Variants in PDGFD observed in about 807,000 individuals in gnomAD.
The protein encoded by PDGFD is platelet derived growth factor D.
In PDGFD, 30 loss-of-function variants were observed where a neutral mutation model predicts 44.7. That is an observed-to-expected ratio of 0.67 (90% CI 0.50 to 0.91). PDGFD has a LOEUF of 0.91. Ranked by LOEUF, PDGFD falls within the 40% of genes least tolerant of loss-of-function variation. PDGFD has a pLI of 0.00. For synonymous variants in PDGFD, 173 were observed against 168.4 expected (o/e 1.03, Z -0.21); for missense variants, 445 against 457.8 (o/e 0.97, Z 0.25).
chr11:103,912,882 A>G (rs1209790883), intron 6 of PDGFD, among the ~76,000 whole-genome samples: 1 of 152,214 alleles, frequency 6.6e-6, no homozygotes, highest in Admixed American at 6.5e-5. Context: ...AAAAGAGACA[A>G]AGAAGGCCAT....
intron 1 of PDGFD, among the ~76,000 whole-genome samples, chr11:104,110,189 G>C (rs1034704502): frequency 6.6e-6 from 1 of 152,132 alleles, no homozygotes; most frequent in Admixed American, 6.6e-5. Context: ...GAGCAAGAAA[G>C]TAGGATTAGA....
intron 1 of PDGFD, among the ~76,000 whole-genome samples, chr11:104,135,460 C>T (rs942581482): frequency 2.0e-5 from 3 of 152,130 alleles, no homozygotes; most frequent in Non-Finnish European, 4.4e-5. Context: ...AGAGAACATG[C>T]TATTTTCCAT....
chr11:103,987,637 T>G lies in PDGFD; in HGVS notation c.510+8428A>C, dbSNP rs1051024812. On this transcript the variant is annotated intron_variant, in intron 3 of 6. Transcript: ENST00000393158. ...GAAAGACTTAAGCTTTAGTATTTCT[T>G]GGACTCACATTAATGAAACTGCTAC... Among the ~76,000 whole-genome samples the G allele has an allele frequency of 7.2e-5, 11 of 152,332 alleles. No homozygotes were observed. The South Asian group carries it at 1.0e-3, about 14-fold the overall frequency.
chr11:104,061,500 T>C (rs2134414123), intron 1 of PDGFD, among the ~76,000 whole-genome samples: 1 of 152,360 alleles, frequency 6.6e-6, no homozygotes, highest in Non-Finnish European at 1.5e-5. Context: ...ATCAAAAATC[T>C]GTTCCATTAA....
At chr11:104,035,504 A>G (rs973426630) in intron 1 of PDGFD, among the ~76,000 whole-genome samples, 1 of 151,884 alleles carries the variant, frequency 6.6e-6, no homozygotes, top group Non-Finnish European at 1.5e-5. Flanking sequence ...TAAAAAAAAA[A>G]ATCACAAACA....
At chr11:104,045,514 T>C (rs1356860698) in intron 1 of PDGFD, among the ~76,000 whole-genome samples, 1 of 151,852 alleles carries the variant, frequency 6.6e-6, no homozygotes, top group Non-Finnish European at 1.5e-5. Context: ...CATCAGAAAA[T>C]GAGAGCATGG....
rs78664703 is a variant in PDGFD, at chr11:104,106,519, C to T, written c.124+57285G>A. On this transcript the variant is annotated intron_variant, in intron 1 of 6. Transcript: ENST00000393158. ...ATCTTGGGTGAGATGCTGGAACTGACGCACAAAGACAAAAAGTCCACATTC... is the reference window on the plus strand; with the variant it reads ...ATCTTGGGTGAGATGCTGGAACTGATGCACAAAGACAAAAAGTCCACATTC... Among the ~76,000 whole-genome samples the T allele has an allele frequency of 5.1e-3, 779 of 152,188 alleles. 11 individuals are homozygous for T. The highest frequency in any genetic ancestry group is 0.017 in the African/African-American group (713 of 41,516).
At chr11:103,920,513 G>A (rs1858198133) in intron 6 of PDGFD, among the ~76,000 whole-genome samples, 1 of 152,198 alleles carries the variant, frequency 6.6e-6, no homozygotes, top group Non-Finnish European at 1.5e-5. Context: ...TGCCCCATGT[G>A]GCAAGTTTGC....
At chr11:104,156,580 G>C (rs1200397524) in intron 1 of PDGFD, among the ~76,000 whole-genome samples, 1 of 151,954 alleles carries the variant, frequency 6.6e-6, no homozygotes, top group Non-Finnish European at 1.5e-5. Flanking sequence ...TGCTTCCACA[G>C]ACCTCTCCAC....
At chr11:103,919,196 A>T (rs1858171088) in intron 6 of PDGFD, among the ~76,000 whole-genome samples, 1 of 152,254 alleles carries the variant, frequency 6.6e-6, no homozygotes, top group Non-Finnish European at 1.5e-5. Context: ...TCATACCACC[A>T]TACAAAATCA....
At chr11:103,986,320 AGAGT>A (rs1859361951) in intron 3 of PDGFD, among the ~76,000 whole-genome samples, 1 of 152,216 alleles carries the variant, frequency 6.6e-6, no homozygotes, top group Non-Finnish European at 1.5e-5. Context: ...CCTTAGAGCC[AGAGT>A]GAGTACAAGA....
chr11:103,945,221 G>T (rs927150783), intron 4 of PDGFD, among the ~76,000 whole-genome samples: 6 of 152,000 alleles, frequency 3.9e-5, no homozygotes, highest in Non-Finnish European at 8.8e-5. Flanking sequence ...CTCTCATCTG[G>T]GTGCAGCCAT....
intron 1 of PDGFD, among the ~76,000 whole-genome samples, chr11:104,147,002 TAA>T (rs10700137): frequency 1.7e-4 from 23 of 133,680 alleles, no homozygotes; most frequent in Non-Finnish European, 1.6e-4. Context: ...CGGGGCATAC[TAA>T]AAAAAAAAAA....
chr11:104,123,620 T>C (rs1449871693), intron 1 of PDGFD, among the ~76,000 whole-genome samples: 2 of 152,094 alleles, frequency 1.3e-5, no homozygotes, highest in Non-Finnish European at 1.5e-5. Flanking sequence ...ATGTTTAAAG[T>C]GGCATTCTTT....
Position 104,068,852 on chromosome 11 carries a change from A to AT in PDGFD, c.125-68598dup, listed in dbSNP as rs138901790. Among the ~76,000 whole-genome samples the AT allele has an allele frequency of 7.0e-4, 106 of 151,360 alleles. 3 individuals carry two copies. The East Asian group carries it at 0.019, about 27-fold the overall frequency. On this transcript the variant is annotated intron_variant, in intron 1 of 6. Coordinates refer to ENST00000393158, the MANE Select transcript of PDGFD (RefSeq NM_025208.5). Reference sequence around the variant, plus strand: ...CCTCTGTGTGTGTGTCTGCGTGTGTATTTTTTCTGAATTATTTCAGTGTAA... The same window carrying AT: ...CCTCTGTGTGTGTGTCTGCGTGTGTATTTTTTTCTGAATTATTTCAGTGTAA...
At chr11:104,047,638 A>G (rs1043269628) in intron 1 of PDGFD, among the ~76,000 whole-genome samples, 9 of 147,342 alleles carry the variant, frequency 6.1e-5, no homozygotes, top group African/African-American at 2.0e-4. Context: ...CCAAAGTAAG[A>G]CTACTGAGAA....
intron 1 of PDGFD, 78 bp from the exon 2 acceptor site, chr11:104,000,333 A>G (rs2134366452): frequency 8.4e-7 from 1 of 1,192,142 alleles, no homozygotes; most frequent in African/African-American, 1.5e-5. Context: ...ACAGTTTACA[A>G]CACATCATAC....
intron 1 of PDGFD, among the ~76,000 whole-genome samples, chr11:104,033,009 A>G (rs947561834): frequency 4.0e-5 from 6 of 151,732 alleles, no homozygotes; most frequent in African/African-American, 1.5e-4. Context: ...AACAGACTAC[A>G]TGATAGGGAT....
intron 5 of PDGFD, among the ~76,000 whole-genome samples, chr11:103,932,020 T>G (rs1320829885): frequency 1.3e-5 from 2 of 152,112 alleles, no homozygotes; most frequent in African/African-American, 4.8e-5. Flanking sequence ...CTATATTATT[T>G]TAATCTTCTA....
Sources: gnomAD v4.1 joint callset for allele counts (sites outside exome capture counted in the v4.1 genomes callset) on GRCh38, gnomAD v4.1.1 for gene constraint, MANE v1.5 for transcripts, NCBI Gene and HGNC (gene_info 2026-07-23, HGNC 2026-07-21) for gene names.